Variants in EPHA3 observed in about 807,000 individuals in gnomAD.
The protein encoded by EPHA3 is EPH receptor A3.
A neutral mutation model predicts 107.1 loss-of-function variants in EPHA3; 42 were observed. That is an observed-to-expected ratio of 0.39 (90% confidence interval 0.31 to 0.51). The LOEUF is 0.51. Ranked by LOEUF, EPHA3 falls within the 20% of genes least tolerant of loss-of-function variation. The pLI is 0.78. For synonymous variants in EPHA3, 461 were observed against 424.8 expected, an observed-to-expected ratio of 1.09 and a Z score of -1.05; for missense variants, 1,183 against 1,211.2, an observed-to-expected ratio of 0.98 and a Z score of 0.35.
chr3:89,213,199 G>C (rs1280360426), intron 3 of EPHA3, among the ~76,000 whole-genome samples: 1 of 151,990 alleles, frequency 6.6e-6, no homozygotes, highest in Non-Finnish European at 1.5e-5. Context: ...AATGAACTCA[G>C]AAGCATTCCT....
chr3:89,240,535 A>G (rs1704870742), intron 3 of EPHA3, among the ~76,000 whole-genome samples: 1 of 152,094 alleles, frequency 6.6e-6, no homozygotes, highest in Non-Finnish European at 1.5e-5. Flanking sequence ...TATTTCAACT[A>G]TCCAGTAAAC....
rs567787440 is a variant in EPHA3, at chr3:89,177,519, A to G, written c.154-32341A>G. Among the ~76,000 whole-genome samples the G allele has an allele frequency of 4.6e-5, 7 of 152,332 alleles. No homozygotes were observed. The East Asian group carries it at 1.4e-3, about 29-fold the overall frequency. On this transcript the variant is annotated intron_variant, in intron 2 of 16. Transcript: ENST00000336596. The stretch of plus-strand genomic sequence containing the variant: ...TCAAAGACTGACATAGGCTGACAGC[A>G]CACGGCAGATGTGAAGGGTTACTTC...
chr3:89,251,294 A>G (rs959524495), intron 3 of EPHA3, among the ~76,000 whole-genome samples: 1 of 152,052 alleles, frequency 6.6e-6, no homozygotes, highest in African/African-American at 2.4e-5. Context: ...GTGGGAAATC[A>G]CCTACCTGGG....
Position 89,399,360 on chromosome 3 carries a change from A to T in EPHA3, c.1474A>T (p.Thr492Ser), listed in dbSNP as rs766652795. 1.2e-6 allele frequency: 2 copies of T among 1,613,946 alleles called. No homozygotes were observed. Among genetic ancestry groups the T allele is most frequent in the Middle Eastern group, 1.6e-4 (1 of 6,062 alleles). ...TSYTILRARGTNVTISSLKPD... is the reference protein window; with the variant it reads ...TSYTILRARGSNVTISSLKPD... Reference sequence around the variant, plus strand: ...TTATACCATTCTGAGGGCAAGAGGCACAAATGTTACCATCAGTAGCCTCAA... The same window carrying T: ...TTATACCATTCTGAGGGCAAGAGGCTCAAATGTTACCATCAGTAGCCTCAA... The change falls in exon 7 of 17, where the codon ACA (threonine) becomes TCA (serine). Residue 492 changes from threonine to serine, a missense_variant. Physicochemically the swap from Thr to Ser is moderately conservative, Grantham distance 58. Coordinates refer to ENST00000336596, the MANE Select transcript of EPHA3 (RefSeq NM_005233.6).
At chr3:89,151,826 A>G (rs1704696552) in intron 2 of EPHA3, among the ~76,000 whole-genome samples, 1 of 152,130 alleles carries the variant, frequency 6.6e-6, no homozygotes, top group South Asian at 2.1e-4. Flanking sequence ...AAATATTAAT[A>G]TCAAAACATC....
rs1262862831 is a variant in EPHA3, at chr3:89,144,618, A to G, written c.153+17345A>G. On this transcript the variant is annotated intron_variant, in intron 2 of 16. Transcript: ENST00000336596. ...TTTTCATATTATCACTTGTAAGATG[A>G]CAGTGTGCATTTCTTTTACATTTCT... Among the ~76,000 whole-genome samples the G allele has an allele frequency of 2.0e-5, 3 of 151,900 alleles. No individual in the cohort carries two copies. The East Asian group carries it at 5.8e-4, about 29-fold the overall frequency.
chr3:89,340,502 T>A (rs1707494869), intron 3 of EPHA3, among the ~76,000 whole-genome samples: 1 of 152,218 alleles, frequency 6.6e-6, no homozygotes, highest in African/African-American at 2.4e-5. Context: ...CACAGAGCAA[T>A]TAGAAAACTA....
intron 2 of EPHA3, among the ~76,000 whole-genome samples, chr3:89,148,377 A>T (rs1342578441): frequency 6.6e-6 from 1 of 151,944 alleles, no homozygotes. Flanking sequence ...TGGGTTTAAA[A>T]ATTTTACCAA....
intron 3 of EPHA3, among the ~76,000 whole-genome samples, chr3:89,335,896 C>A (rs1020790725): frequency 1.1e-4 from 16 of 152,090 alleles, no homozygotes; most frequent in African/African-American, 3.9e-4. Flanking sequence ...TGAGGGAAGA[C>A]GTAAATCAGA....
At chr3:89,363,360 C>T (rs1708132843) in intron 5 of EPHA3, among the ~76,000 whole-genome samples, 1 of 150,686 alleles carries the variant, frequency 6.6e-6, no homozygotes, top group Admixed American at 6.7e-5. Context: ...AATCCACAGA[C>T]TGCAGGGTAA....
intron 11 of EPHA3, among the ~76,000 whole-genome samples, chr3:89,423,253 A>T (rs140964088): frequency 1.2e-3 from 180 of 151,502 alleles, no homozygotes; most frequent in African/African-American, 4.2e-3. Flanking sequence ...GAACGTTAAG[A>T]TGATTTTCAT....
At chr3:89,283,015 T>C (rs2107317441) in intron 3 of EPHA3, among the ~76,000 whole-genome samples, 1 of 152,250 alleles carries the variant, frequency 6.6e-6, no homozygotes, top group East Asian at 1.9e-4. Flanking sequence ...GTTTCTGTAC[T>C]TTATTTGATA....
intron 3 of EPHA3, among the ~76,000 whole-genome samples, chr3:89,233,339 A>T (rs1704681321): frequency 6.6e-6 from 1 of 152,108 alleles, no homozygotes; most frequent in Non-Finnish European, 1.5e-5. Flanking sequence ...CCCAAGACCT[A>T]CATTGTCCCC....
At chr3:89,182,027 C>CT (rs11391841) in intron 2 of EPHA3, among the ~76,000 whole-genome samples, 34,189 of 147,006 alleles carry the variant, frequency 0.23, 3,926 homozygotes, top group Middle Eastern at 0.33. Context: ...TATCTGTTAG[C>CT]TTTTTTTTTT....
intron 3 of EPHA3, among the ~76,000 whole-genome samples, chr3:89,213,101 G>T (rs910729212): frequency 6.6e-6 from 1 of 151,934 alleles, no homozygotes; most frequent in Admixed American, 6.6e-5. Context: ...AGAGAAAATT[G>T]AAAACCTTAG....
chr3:89,307,883 T>C (rs1209140954), intron 3 of EPHA3, among the ~76,000 whole-genome samples: 14 of 152,180 alleles, frequency 9.2e-5, no homozygotes, highest in Non-Finnish European at 2.1e-4. Flanking sequence ...GTTTACCTTT[T>C]TTCCATGTAC....
chr3:89,211,525 T>C (rs1704080604), intron 3 of EPHA3, among the ~76,000 whole-genome samples: 1 of 152,090 alleles, frequency 6.6e-6, no homozygotes, highest in South Asian at 2.1e-4. Context: ...GATCGCATAA[T>C]CAGTCACTTT....
chr3:89,232,120 T>G (rs1033081253), intron 3 of EPHA3, among the ~76,000 whole-genome samples: 2 of 152,066 alleles, frequency 1.3e-5, no homozygotes, highest in Admixed American at 1.3e-4. Flanking sequence ...TGTTATATTT[T>G]GGGGTGTCGT....
intron 5 of EPHA3, among the ~76,000 whole-genome samples, chr3:89,347,618 C>T (rs1350219960): frequency 2.0e-5 from 3 of 150,284 alleles, no homozygotes; most frequent in Non-Finnish European, 3.0e-5. Flanking sequence ...CCTTCTCCTG[C>T]CTAATTGCCC....
Sources: gnomAD v4.1 joint callset for allele counts (sites outside exome capture counted in the v4.1 genomes callset) on GRCh38, gnomAD v4.1.1 for gene constraint, MANE v1.5 for transcripts, NCBI Gene and HGNC (gene_info 2026-07-23, HGNC 2026-07-21) for gene names.